Variants in DNAJC15 observed in about 807,000 individuals in gnomAD.
The protein encoded by DNAJC15 is DnaJ heat shock protein family (Hsp40) member C15.
DNAJC15 carries 27 observed loss-of-function variants against 22.4 expected under a neutral mutation model. The ratio of observed to expected loss-of-function variants is 1.20; its 90% CI spans 0.89 to 1.66. The LOEUF (loss-of-function observed/expected upper bound fraction) is 1.66, where lower values mean the gene tolerates loss of function less well. Among genes scored for constraint, DNAJC15 ranks in the 40% most tolerant of loss-of-function variants. DNAJC15 has a pLI of 0.00. For missense variants in DNAJC15, 208 were observed against 187.1 expected (o/e 1.11, Z -0.65); for synonymous variants, 79 against 63.2 (o/e 1.25, Z -1.19).
intron 3 of DNAJC15, among the ~76,000 whole-genome samples, chr13:43,071,236 G>A (rs578191987): frequency 6.6e-6 from 1 of 152,314 alleles, no homozygotes; most frequent in East Asian, 1.9e-4. Flanking sequence ...ATATACTCAT[G>A]TAAACTCTTT....
At chr13:43,024,572 C>G (rs1242854553) in intron 1 of DNAJC15, among the ~76,000 whole-genome samples, 3 of 151,818 alleles carry the variant, frequency 2.0e-5, no homozygotes, top group African/African-American at 7.3e-5. Context: ...TCTCGATCTG[C>G]TTACCTCGTG....
chr13:43,067,112 CTT>C (rs1278325668), intron 2 of DNAJC15, among the ~76,000 whole-genome samples: 1 of 152,092 alleles, frequency 6.6e-6, no homozygotes, highest in Non-Finnish European at 1.5e-5. Flanking sequence ...TTAATTGGCT[CTT>C]TTAGGCAGAG....
chr13:43,027,618 A>G (rs950973066), intron 1 of DNAJC15, among the ~76,000 whole-genome samples: 12 of 152,108 alleles, frequency 7.9e-5, no homozygotes, highest in Non-Finnish European at 1.6e-4. Flanking sequence ...TGAAGCTTAC[A>G]TTGGTAATCA....
chr13:43,037,304 A>C (rs2040433590), intron 1 of DNAJC15, among the ~76,000 whole-genome samples: 1 of 152,218 alleles, frequency 6.6e-6, no homozygotes, highest in African/African-American at 2.4e-5. Flanking sequence ...TAAGCCGAAA[A>C]AGAGAGTTTG....
In DNAJC15 at chr13:43,055,513, C is replaced by T. The variant is rs9594873; in HGVS notation, c.109-10173C>T. On this transcript the variant is annotated intron_variant, in intron 1 of 5. Transcript: ENST00000379221. ...GTGTGTAGTGTGTGTTCGCGACCTC[C>T]GTCTCCTTGACTGTTCGACCAAGAG... Among the ~76,000 whole-genome samples, 970 of 152,298 alleles carry T rather than the reference C, an allele frequency of 6.4e-3. 4 individuals carry two copies. Among genetic ancestry groups the T allele is most frequent in the African/African-American group, 0.022 (910 of 41,552 alleles).
At position 43,109,109 on chromosome 13, in the gene DNAJC15, C is replaced by CATTG. The variant is rs1441817177; in HGVS notation, c.*1862_*1865dup. 6.6e-6 allele frequency: 1 copy of CATTG among 152,186 alleles called. No homozygotes were observed. Among genetic ancestry groups the CATTG allele is most frequent in the African/African-American group, 2.4e-5 (1 of 41,426 alleles). 9.4% of individuals were successfully genotyped at this position (152,186 alleles called of 1,614,324 possible). ...GAATTATCAGCTTTCTGAGAGCAGG[C>CATTG]ATTGTATCTGTCTTGTTTGGTGTTA... On this transcript the variant is annotated 3_prime_UTR_variant, in exon 6 of 6. Coordinates refer to ENST00000379221, the MANE Select transcript of DNAJC15 (RefSeq NM_013238.3).
chr13:43,046,158 A>AT (rs1242229911), intron 1 of DNAJC15, among the ~76,000 whole-genome samples: 3,352 of 141,200 alleles, frequency 0.024, 89 homozygotes, highest in African/African-American at 0.063. Context: ...GATTATCTTC[A>AT]TTTTTTTTTT....
intron 3 of DNAJC15, among the ~76,000 whole-genome samples, chr13:43,072,598 GGAGACAGAGCCTAGTA>G (rs2040614249): frequency 1.9e-5 from 2 of 108,022 alleles, no homozygotes; most frequent in Non-Finnish European, 3.8e-5. Context: ...TTTTTTTTTT[GGAGACAGAGCCTAGTA>G]GTGCGGTTGC....
chr13:43,072,632 C>T (rs1421357092), intron 3 of DNAJC15, among the ~76,000 whole-genome samples: 2 of 150,578 alleles, frequency 1.3e-5, no homozygotes, highest in African/African-American at 2.4e-5. Context: ...TGCGCAATCT[C>T]GGCTCACTGC....
chr13:43,024,337 GTTTTT>G (rs376910976), intron 1 of DNAJC15, among the ~76,000 whole-genome samples: 1,480 of 93,274 alleles, frequency 0.016, 7 homozygotes, highest in African/African-American at 0.052. Flanking sequence ...GTATTTTTAC[GTTTTT>G]TTTTTTTTTT....
chr13:43,098,714 A>G (rs762515726), intron 5 of DNAJC15, among the ~76,000 whole-genome samples: 12 of 152,082 alleles, frequency 7.9e-5, no homozygotes, highest in Non-Finnish European at 1.6e-4. Context: ...TTGTCCCCTC[A>G]TCTTCCTGTT....
intron 4 of DNAJC15, among the ~76,000 whole-genome samples, chr13:43,081,435 C>T (rs1446147906): frequency 6.8e-6 from 1 of 147,946 alleles, no homozygotes; most frequent in Non-Finnish European, 1.5e-5. Flanking sequence ...TGAAATGATG[C>T]ACATTTATGA....
chr13:43,090,655 T>G (rs1263373490), intron 5 of DNAJC15, among the ~76,000 whole-genome samples: 1 of 152,052 alleles, frequency 6.6e-6, no homozygotes, highest in African/African-American at 2.4e-5. Context: ...TAAAAGAAAT[T>G]GGGCAGCATT....
intron 4 of DNAJC15, 109 bp from the exon 5 acceptor site, chr13:43,085,659 A>G: frequency 2.6e-6 from 2 of 761,156 alleles, no homozygotes; most frequent in Middle Eastern, 3.6e-4. Context: ...TTTGTCCACA[A>G]GATGGTGAAA....
rs759736267 is a variant in DNAJC15 at position 43,111,922 on chromosome 13, G to A, written c.*4674G>A. 9 of 152,152 alleles carry A rather than the reference G, an allele frequency of 5.9e-5. No individual in the cohort carries two copies. The highest frequency in any genetic ancestry group is 1.3e-4 in the Non-Finnish European group (9 of 68,022). The allele number at this position is 152,152 out of a possible 1,614,324, so 9.4% of individuals were successfully genotyped here. A position where few individuals can be genotyped will look rare whatever the true frequency, so the allele number is the denominator to read the frequency against. ...TATGAGTCAAAATTTTATTTATGGT[G>A]GCATTACACACATTAAGAGATGAGG... On this transcript the variant is annotated 3_prime_UTR_variant, in exon 6 of 6. Transcript: ENST00000379221.
At chr13:43,081,311 T>G (rs2040660328) in intron 4 of DNAJC15, among the ~76,000 whole-genome samples, 1 of 152,204 alleles carries the variant, frequency 6.6e-6, no homozygotes, top group Non-Finnish European at 1.5e-5. Flanking sequence ...GAAACCAATT[T>G]TTTAAATCAA....
In DNAJC15 at chr13:43,029,434, C is replaced by T. The variant is rs572212706; in HGVS notation, c.108+5700C>T. ...AAATAGAAATTTTAGCATTTTATAA[C>T]ACTTTCAGGCAACTTATATTTATCT... On this transcript the variant is annotated intron_variant, in intron 1 of 5. Transcript: ENST00000379221. Among the ~76,000 whole-genome samples, 190 of 152,226 alleles carry T rather than the reference C, an allele frequency of 1.2e-3. 1 individual carries two copies. The highest frequency in any genetic ancestry group is 3.0e-3 in the Admixed American group (46 of 15,296).
chr13:43,047,591 G>A (rs965175528), intron 1 of DNAJC15, among the ~76,000 whole-genome samples: 16 of 152,296 alleles, frequency 1.1e-4, no homozygotes, highest in African/African-American at 2.6e-4. Context: ...TAGGATACAG[G>A]TATTTGTATC....
At chr13:43,025,270 A>G (rs181532016) in intron 1 of DNAJC15, among the ~76,000 whole-genome samples, 55 of 152,274 alleles carry the variant, frequency 3.6e-4, no homozygotes, top group African/African-American at 1.3e-3. Flanking sequence ...CCTTTTGTGG[A>G]GAGTCGTAAA....
Sources: allele counts gnomAD v4.1 joint callset (sites outside exome capture counted in the v4.1 genomes callset), GRCh38; gene constraint gnomAD v4.1.1; transcripts MANE v1.5; gene names NCBI Gene and HGNC (gene_info 2026-07-23, HGNC 2026-07-21).